The following ADCY9 variants were observed in gnomAD, a reference collection of about 807,000 sequenced individuals.
ADCY9 encodes the protein adenylate cyclase type 9.
In ADCY9, 50 loss-of-function variants were observed where a neutral mutation model predicts 101.5. That is an observed-to-expected ratio of 0.49 (90% CI 0.39 to 0.62). The LOEUF (loss-of-function observed/expected upper bound fraction) is 0.62, where lower values mean the gene tolerates loss of function less well. Ranked by LOEUF, ADCY9 falls within the 20% of genes least tolerant of loss-of-function variation. The pLI is 0.00. For synonymous variants in ADCY9, 905 were observed against 769.3 expected (o/e 1.18, Z -2.92); for missense variants, 1,662 against 1,800.4 (o/e 0.92, Z 1.39).
chr16:4,060,932 G>C (rs1449976160), intron 2 of ADCY9, among the ~76,000 whole-genome samples: 2 of 152,146 alleles, frequency 1.3e-5, no homozygotes, highest in Non-Finnish European at 2.9e-5. Context: ...AGAAACTACT[G>C]TAAGAATGGA....
chr16:3,967,081 C>G, intron 10 of ADCY9, 115 bp from the exon 11 acceptor site: 1 of 808,774 alleles, frequency 1.2e-6, no homozygotes, highest in Non-Finnish European at 2.0e-6. Context: ...CAACCTGAAG[C>G]TGTCAAGCTG....
At chr16:4,068,816 C>CA (rs370717036) in intron 2 of ADCY9, among the ~76,000 whole-genome samples, 2,469 of 119,058 alleles carry the variant, frequency 0.021, 46 homozygotes, top group Middle Eastern at 0.077. Flanking sequence ...GACTCCATCT[C>CA]AAAAAAAAAA....
chr16:4,047,281 A>G (rs1441319286), intron 2 of ADCY9, among the ~76,000 whole-genome samples: 5 of 150,956 alleles, frequency 3.3e-5, no homozygotes, highest in Non-Finnish European at 7.4e-5. Context: ...TTGAGACTCC[A>G]TCAAAGAAAG....
At chr16:4,095,173 T>C (rs973385624) in intron 2 of ADCY9, among the ~76,000 whole-genome samples, 8 of 119,680 alleles carry the variant, frequency 6.7e-5, no homozygotes, top group Middle Eastern at 3.7e-3. Flanking sequence ...GGCTAATTTT[T>C]GTATTTTTAG....
intron 2 of ADCY9, among the ~76,000 whole-genome samples, chr16:4,030,906 A>G (rs1048105057): frequency 6.6e-6 from 1 of 152,156 alleles, no homozygotes; most frequent in Non-Finnish European, 1.5e-5. Context: ...CTTTTGTGAT[A>G]ATTCTTCAAA....
chr16:4,072,362 T>C lies in ADCY9; in HGVS notation c.1693+41388A>G, dbSNP rs188869765. On this transcript the variant is annotated intron_variant, in intron 2 of 10. Coordinates refer to ENST00000294016, the MANE Select transcript of ADCY9 (RefSeq NM_001116.4). ...TCTGAGATTTCCAGCTTATGCGCTG[T>C]TCCTCGTGTAAGACCAAGAACTTAC... Among the ~76,000 whole-genome samples the C allele has an allele frequency of 8.1e-4, 123 of 152,346 alleles. 1 individual carries two copies. Among genetic ancestry groups the C allele is most frequent in the African/African-American group, 2.8e-3 (118 of 41,588 alleles).
intron 2 of ADCY9, among the ~76,000 whole-genome samples, chr16:4,069,728 C>G (rs983889334): frequency 1.3e-5 from 2 of 152,148 alleles, no homozygotes; most frequent in African/African-American, 4.8e-5. Flanking sequence ...GTTCTTACTT[C>G]TGTTCTTTAG....
At chr16:4,110,881 C>T (rs1397180716) in intron 2 of ADCY9, among the ~76,000 whole-genome samples, 2 of 152,180 alleles carry the variant, frequency 1.3e-5, no homozygotes, top group Non-Finnish European at 2.9e-5. Flanking sequence ...GCTGCTTCTG[C>T]CCCATCCCTG....
At chr16:3,983,012 C>A (rs926373190) in intron 7 of ADCY9, 1 of 585,418 alleles carries the variant, frequency 1.7e-6, no homozygotes, top group African/African-American at 1.9e-5. Context: ...TGTGGAGGCA[C>A]CGCCCCCTCC....
At chr16:4,066,382 T>A in intron 2 of ADCY9, among the ~76,000 whole-genome samples, 1 of 152,144 alleles carries the variant, frequency 6.6e-6, no homozygotes, top group Admixed American at 6.5e-5. Context: ...GAGCAGTGAT[T>A]TTACCTTTAC....
chr16:4,072,085 T>C (rs986841696), intron 2 of ADCY9, among the ~76,000 whole-genome samples: 1 of 152,200 alleles, frequency 6.6e-6, no homozygotes, highest in Non-Finnish European at 1.5e-5. Flanking sequence ...CTGAAGACGA[T>C]TTAAAAGCCT....
chr16:3,980,061 G>A (rs117313458), intron 7 of ADCY9, among the ~76,000 whole-genome samples: 4 of 152,360 alleles, frequency 2.6e-5, no homozygotes, highest in Non-Finnish European at 4.4e-5. Context: ...CCGCACACGC[G>A]TGCCGTCTGC....
rs574177853 is a variant in ADCY9 at position 4,058,113 on chromosome 16, C to G, written c.1694-50555G>C. On this transcript the variant is annotated intron_variant, in intron 2 of 10. Transcript: ENST00000294016. Reference sequence around the variant, plus strand: ...GGTGGAGGTTGCAGTGAGCCGAGATCATGCCACTGCACTCCAGCCTGAGTG... The same window carrying G: ...GGTGGAGGTTGCAGTGAGCCGAGATGATGCCACTGCACTCCAGCCTGAGTG... 1.9e-3 allele frequency among the ~76,000 whole-genome samples: 276 copies of G among 149,034 alleles called. 1 individual carries two copies. The highest frequency in any genetic ancestry group is 6.5e-3 in the African/African-American group (263 of 40,236).
Position 3,963,358 on chromosome 16 carries a change from C to T in ADCY9, c.*2417G>A, listed in dbSNP as rs2141666455. On this transcript the variant is annotated 3_prime_UTR_variant, in exon 11 of 11. Transcript: ENST00000294016. ...GCACGATGTGCTCGCTGCCAACAGA[C>T]AAGAGATGCACGGCGTTTCCGCTGC... 2.5e-6 allele frequency: 1 copy of T among 398,892 alleles called. No homozygotes were observed. Among genetic ancestry groups the T allele is most frequent in the East Asian group, 3.6e-5 (1 of 28,060 alleles). The allele number at this position is 398,892 out of a possible 1,614,324, so 24.7% of individuals were successfully genotyped here.
Position 4,113,880 on chromosome 16 carries a change from C to T in ADCY9, c.1563G>A (p.Glu521=), listed in dbSNP as rs758482134. 1.9e-6 allele frequency: 3 copies of T among 1,614,206 alleles called. No homozygotes were observed. Among genetic ancestry groups the T allele is most frequent in the Admixed American group, 1.7e-5 (1 of 60,024 alleles). The change falls in exon 2 of 11, where the codon GAG becomes GAA. Residue 521 remains glutamate (E), a synonymous_variant. Transcript: ENST00000294016. The part of the protein sequence containing the change: ...SNDVNLANLM[E]QLGVAGKVHI... Reference sequence around the variant, plus strand: ...GAACTTTGCCGGCCACTCCCAGCTGCTCCATGAGATTGGCCAGGTTCACAT... The same window carrying T: ...GAACTTTGCCGGCCACTCCCAGCTGTTCCATGAGATTGGCCAGGTTCACAT...
intron 6 of ADCY9, among the ~76,000 whole-genome samples, chr16:3,988,307 A>G (rs894523015): frequency 2.0e-5 from 3 of 151,746 alleles, no homozygotes; most frequent in Non-Finnish European, 4.4e-5. Flanking sequence ...AGTTAGAGAG[A>G]GAGGTGAAGG....
Position 4,092,851 on chromosome 16 carries a change from G to A in ADCY9, c.1693+20899C>T, listed in dbSNP as rs145923071. On this transcript the variant is annotated intron_variant, in intron 2 of 10. Coordinates refer to ENST00000294016, the MANE Select transcript of ADCY9 (RefSeq NM_001116.4). ...TGTTGGTTTGGTTTTTTAATGTAAC[G>A]AAGTAAAAACCAGGAGCAAATGTGA... 1.5e-3 allele frequency among the ~76,000 whole-genome samples: 224 copies of A among 152,194 alleles called. 1 individual carries two copies. Among genetic ancestry groups the A allele is most frequent in the African/African-American group, 5.0e-3 (207 of 41,506 alleles).
At chr16:3,979,089 A>G in intron 8 of ADCY9, 27 bp downstream of exon 8, 1 of 1,613,536 alleles carries the variant, frequency 6.2e-7, no homozygotes, top group East Asian at 2.2e-5. Context: ...GAGAGCGTGG[A>G]AATAAAACGG....
At chr16:4,084,397 C>T (rs913358013) in intron 2 of ADCY9, among the ~76,000 whole-genome samples, 1 of 152,012 alleles carries the variant, frequency 6.6e-6, no homozygotes, top group Admixed American at 6.6e-5. Context: ...CAGGCCTGAG[C>T]CACCGGGCCC....
Sources: allele counts gnomAD v4.1 joint callset (sites outside exome capture counted in the v4.1 genomes callset), GRCh38; gene constraint gnomAD v4.1.1; transcripts MANE v1.5; gene names NCBI Gene and HGNC (gene_info 2026-07-23, HGNC 2026-07-21).